HCN4: variants seen among roughly 807,000 people sequenced by gnomAD.
The protein encoded by HCN4 is hyperpolarization activated cyclic nucleotide gated potassium channel 4, also known as potassium/sodium hyperpolarization-activated cyclic nucleotide-gated channel 4.
A neutral mutation model predicts 76.9 loss-of-function variants in HCN4; 29 were observed. The observed-to-expected ratio is 0.38, with a 90% CI of 0.28 to 0.51. The LOEUF is 0.51. Among genes scored for constraint, HCN4 ranks in the 20% least tolerant of loss-of-function variants. The probability of loss-of-function intolerance (pLI) is 0.90; values close to 1 mark genes in which losing one functional copy is unlikely to be tolerated. For synonymous variants in HCN4, 772 were observed against 762.5 expected (o/e 1.01, Z -0.21); for missense variants, 1,416 against 1,715.2 (o/e 0.83, Z 3.08).
At chr15:73,366,286 T>C (rs1223664719) in intron 1 of HCN4, among the ~76,000 whole-genome samples, 1 of 152,186 alleles carries the variant, frequency 6.6e-6, no homozygotes, top group East Asian at 1.9e-4. Flanking sequence ...GGAAAATGGC[T>C]TTGCTCTCAT....
chr15:73,323,465 G>T lies in HCN4; in HGVS notation c.2628C>A (p.Pro876=). 6.2e-7 allele frequency: 1 copy of T among 1,607,300 alleles called. No homozygotes were observed. Residue 876 remains proline, a synonymous_variant, in exon 8 of 8, where the codon CCC becomes CCA. Transcript: ENST00000261917. ...SAPAGLSPLL[P]SSSSSPPPGA... ...CGGGGGGTGGGGAGGAGCTGGATGA[G>T]GGCAGGAGTGGGCTCAGTCCAGCGG...
chr15:73,338,359 G>A (rs916550145), intron 2 of HCN4, among the ~76,000 whole-genome samples: 3 of 152,222 alleles, frequency 2.0e-5, no homozygotes, highest in Admixed American at 2.0e-4. Context: ...GGCGGTCCAG[G>A]CAGCTCACTC....
At chr15:73,348,521 T>C (rs1298444406) in intron 1 of HCN4, among the ~76,000 whole-genome samples, 1 of 152,246 alleles carries the variant, frequency 6.6e-6, no homozygotes, top group East Asian at 1.9e-4. Context: ...CTTTCTTGCA[T>C]ACATTTTGGC....
At position 73,322,479 on chromosome 15, in the gene HCN4, G is replaced by C. The variant is rs2151213654; in HGVS notation, c.*2C>G. Reference sequence around the variant, plus strand: ...GAAAGAAGAGGGAAGGAAGGGCCCAGCTCATAGATTGGATGGCAGTTTGGA... The same window carrying C: ...GAAAGAAGAGGGAAGGAAGGGCCCACCTCATAGATTGGATGGCAGTTTGGA... On this transcript the variant is annotated 3_prime_UTR_variant, in exon 8 of 8. Transcript: ENST00000261917. The C allele has an allele frequency of 1.3e-6, 2 of 1,584,404 alleles. No individual in the cohort carries two copies.
At chr15:73,360,808 G>C (rs768422486) in intron 1 of HCN4, among the ~76,000 whole-genome samples, 2 of 152,218 alleles carry the variant, frequency 1.3e-5, no homozygotes, top group Non-Finnish European at 2.9e-5. Flanking sequence ...CCTGGCTTTA[G>C]TCTCTGTTGA....
chr15:73,359,390 C>T (rs774563483), intron 1 of HCN4, among the ~76,000 whole-genome samples: 1 of 152,172 alleles, frequency 6.6e-6, no homozygotes, highest in Non-Finnish European at 1.5e-5. Context: ...GCTCTGGCGT[C>T]GGCAGTGGTG....
At chr15:73,363,133 G>A (rs558316349) in intron 1 of HCN4, among the ~76,000 whole-genome samples, 9 of 152,232 alleles carry the variant, frequency 5.9e-5, no homozygotes, top group Non-Finnish European at 8.8e-5. Context: ...GCTCCTTTCC[G>A]CCTGGCTTTG....
rs2042887817 is a variant in HCN4, at chr15:73,324,668, C to A, written c.1978+287G>T. On this transcript the variant is annotated intron_variant, in intron 6 of 7. Transcript: ENST00000261917. ...ACACAGCGAGAAGTCAGCAGTGCAG[C>A]CCAGAAGAGGGCCCTCACCAGCCCC... Among the ~76,000 whole-genome samples the A allele has an allele frequency of 3.3e-5, 5 of 152,194 alleles. No homozygotes were observed. The South Asian group carries it at 1.0e-3, about 31-fold the overall frequency.
chr15:73,343,471 G>A lies in HCN4; in HGVS notation c.1123C>T (p.Arg375Cys), dbSNP rs755356387. 6 of 1,614,072 alleles carry A rather than the reference G, an allele frequency of 3.7e-6. No individual in the cohort carries two copies. The highest frequency in any genetic ancestry group is 1.3e-5 in the African/African-American group (1 of 74,916). The change falls in exon 2 of 8, where the codon CGC becomes TGC. Residue 375 changes from arginine to cysteine, a missense_variant. This residue lies in a region of HCN4 where 112 missense variants were observed against 259.9 expected (regional missense o/e 0.43). Transcript: ENST00000261917. The surrounding 1 kb of genome is among the most constrained non-coding windows in gnomAD (Gnocchi z 5.7). Reference protein sequence around the residue: ...SEVYKTARALRIVRFTKILSL... With the variant: ...SEVYKTARALCIVRFTKILSL... ...AGGATCTTCGTGAAGCGGACAATGC[G>A]CAGGGCCCGGGCAGTCTTGTAGACC...
At chr15:73,329,485 G>A (rs1345036852) in intron 4 of HCN4, 88 bp downstream of exon 4, 95 of 1,226,738 alleles carry the variant, frequency 7.7e-5, no homozygotes, top group Non-Finnish European at 1.0e-4. Context: ...GGGAGCAGGG[G>A]GCGGTTCCTG....
chr15:73,356,382 T>TC (rs2043080821), intron 1 of HCN4, among the ~76,000 whole-genome samples: 1 of 145,420 alleles, frequency 6.9e-6, no homozygotes, highest in Non-Finnish European at 1.5e-5. Flanking sequence ...TTCTTTTTTT[T>TC]TTTTTTTTTT....
intron 2 of HCN4, among the ~76,000 whole-genome samples, chr15:73,334,591 GCTAAGACACCAGGGGTTT>G: frequency 6.6e-6 from 1 of 152,116 alleles, no homozygotes; most frequent in African/African-American, 2.4e-5. Flanking sequence ...TGGTGTCTGA[GCTAAGACACCAGGGGTTT>G]GGGGAGGGCG....
chr15:73,336,796 A>G (rs1173893824), intron 2 of HCN4, among the ~76,000 whole-genome samples: 1 of 152,056 alleles, frequency 6.6e-6, no homozygotes, highest in African/African-American at 2.4e-5. Flanking sequence ...CCGCCCCTCC[A>G]AGCCACTCTC....
intron 6 of HCN4, 50 bp downstream of exon 6, chr15:73,324,905 C>A (rs1465442544): frequency 6.2e-7 from 1 of 1,610,866 alleles, no homozygotes; most frequent in South Asian, 1.1e-5. Flanking sequence ...CTCCCCAAAC[C>A]AGCCCCTGGG....
At chr15:73,350,933 C>T (rs1020075546) in intron 1 of HCN4, among the ~76,000 whole-genome samples, 4 of 152,186 alleles carry the variant, frequency 2.6e-5, no homozygotes, top group Non-Finnish European at 4.4e-5. Flanking sequence ...CTCTCGCTTT[C>T]GTGCCCCTCA....
chr15:73,341,069 G>GGTGTGGGTGTGTGTGT (rs1555477059), intron 2 of HCN4: 4 of 145,864 alleles, frequency 2.7e-5, no homozygotes, highest in African/African-American at 1.0e-4. Context: ...GAGGGAGGTA[G>GGTGTGGGTGTGTGTGT]GTGTGTGTGT....
chr15:73,323,556 G>A lies in HCN4; in HGVS notation c.2537C>T (p.Pro846Leu), dbSNP rs747467877. ...TGAAGACGGTGTGTCCACCTGGGACGGGCTGCTGGCGGGCGAGGCGGAGCC... is the reference window on the plus strand; with the variant it reads ...TGAAGACGGTGTGTCCACCTGGGACAGGCTGCTGGCGGGCGAGGCGGAGCC... ...ALGSASPASS[P>L]SQVDTPSSSS... Residue 846 changes from proline to leucine, a missense_variant, in exon 8 of 8, where the codon CCG (proline) becomes CTG (leucine). Around this residue, in one of 6 missense-constraint regions of HCN4, gnomAD observed 633 missense variants for 579.8 expected, o/e 1.09. Coordinates refer to ENST00000261917, the MANE Select transcript of HCN4 (RefSeq NM_005477.3). 78 of 1,600,826 alleles carry A rather than the reference G, an allele frequency of 4.9e-5. No homozygotes were observed. Among genetic ancestry groups the A allele is most frequent in the South Asian group, 2.7e-4 (25 of 91,092 alleles).
chr15:73,357,646 C>T (rs913272922), intron 1 of HCN4, among the ~76,000 whole-genome samples: 44 of 151,976 alleles, frequency 2.9e-4, no homozygotes, highest in Admixed American at 2.6e-4. Flanking sequence ...AAGGATGCCC[C>T]GGAAACAAAG....
In HCN4 at chr15:73,323,620, G is replaced by A. The variant is rs771229078; in HGVS notation, c.2473C>T (p.His825Tyr). 3 of 1,600,594 alleles carry A rather than the reference G, an allele frequency of 1.9e-6. No homozygotes were observed. In the Admixed American group the frequency reaches 5.0e-5, roughly 27 times the overall value. ...GNLGAGQTPR[H>Y]LKRLQSLIPS... is the part of the protein sequence containing the mutation. ...ATCAGGGACTGCAGCCGTTTCAGGT[G>A]CCTTGGCGTCTGCCCGGCACCGAGG... Residue 825 changes from histidine to tyrosine, a missense_variant, in exon 8 of 8, where the codon CAC becomes TAC. This residue lies in a region of HCN4 where 633 missense variants were observed against 579.8 expected (regional missense o/e 1.09). Transcript: ENST00000261917.
Sources: allele counts gnomAD v4.1 joint callset (sites outside exome capture counted in the v4.1 genomes callset), GRCh38; gene constraint gnomAD v4.1.1; regional missense constraint gnomAD v4.1.1; non-coding constraint Gnocchi (gnomAD v3.1); transcripts MANE v1.5; gene names NCBI Gene and HGNC (gene_info 2026-07-23, HGNC 2026-07-21).